PDLIM1: variants seen among roughly 807,000 people sequenced by gnomAD.
The protein encoded by PDLIM1 is PDZ and LIM domain 1, also known as PDZ and LIM domain protein 1.
Under a neutral mutation model 35.2 loss-of-function variants are expected in PDLIM1, and 25 were observed. That is an observed-to-expected ratio of 0.71 (90% CI 0.52 to 0.99). PDLIM1 has a LOEUF of 0.99. PDLIM1 is among the 50% of genes least tolerant of loss of function. The pLI is 0.00. For synonymous variants in PDLIM1, 152 were observed against 154.0 expected, an observed-to-expected ratio of 0.99 and a Z score of 0.10; for missense variants, 363 against 415.3, an observed-to-expected ratio of 0.87 and a Z score of 1.09.
chr10:95,257,034 G>T (rs113904229), intron 4 of PDLIM1, among the ~76,000 whole-genome samples: 13 of 103,958 alleles, frequency 1.3e-4, no homozygotes, highest in Admixed American at 1.0e-3. Context: ...AAGAAAGAAA[G>T]AAAGAATTCA....
rs1205968220 is a variant in PDLIM1 at position 95,253,906 on chromosome 10, A to G, written c.534-6540T>C. On this transcript the variant is annotated intron_variant, in intron 4 of 6. Coordinates refer to ENST00000329399, the MANE Select transcript of PDLIM1 (RefSeq NM_020992.4). Reference sequence around the variant, plus strand: ...GTTTCTATACTTCTTTGAACTCCTGAAATGATGACGCCAGTAAACTGTGAT... The same window carrying G: ...GTTTCTATACTTCTTTGAACTCCTGGAATGATGACGCCAGTAAACTGTGAT... Among the ~76,000 whole-genome samples the G allele has an allele frequency of 2.0e-5, 3 of 152,314 alleles. No homozygotes were observed. The East Asian group carries it at 5.8e-4, about 29-fold the overall frequency.
intron 4 of PDLIM1, among the ~76,000 whole-genome samples, chr10:95,258,825 C>T (rs1025605961): frequency 6.6e-6 from 1 of 150,492 alleles, no homozygotes; most frequent in African/African-American, 2.4e-5. Context: ...TTTTTTAACA[C>T]AATAAAAAAA....
intron 1 of PDLIM1, among the ~76,000 whole-genome samples, chr10:95,281,543 G>A (rs1237951222): frequency 6.6e-6 from 1 of 152,180 alleles, no homozygotes; most frequent in African/African-American, 2.4e-5. Flanking sequence ...CTCCAGCTTG[G>A]GCAATAGAGC....
At chr10:95,244,703 C>A (rs554493660) in intron 5 of PDLIM1, among the ~76,000 whole-genome samples, 1 of 152,038 alleles carries the variant, frequency 6.6e-6, no homozygotes, top group Non-Finnish European at 1.5e-5. Flanking sequence ...AGTTCAAGAC[C>A]ACCCTGGCCA....
At chr10:95,243,874 C>T (rs45608738) in intron 5 of PDLIM1, among the ~76,000 whole-genome samples, 1 of 152,176 alleles carries the variant, frequency 6.6e-6, no homozygotes, top group African/African-American at 2.4e-5. Context: ...TACTGCATGA[C>T]ACCACTTATA....
At chr10:95,247,045 T>TG (rs2035227188) in intron 5 of PDLIM1, among the ~76,000 whole-genome samples, 170 bp downstream of exon 5, 1 of 148,144 alleles carries the variant, frequency 6.8e-6, no homozygotes, top group Non-Finnish European at 1.5e-5. Context: ...AGCACTCTCT[T>TG]CCTCTCTCTC....
At chr10:95,268,921 A>G (rs2035438656) in intron 2 of PDLIM1, 59 bp from the exon 3 acceptor site, 1 of 1,250,630 alleles carries the variant, frequency 8.0e-7, no homozygotes. Context: ...TATATACCAA[A>G]GACAAACTGG....
chr10:95,270,657 ACT>A (rs1164012375), intron 2 of PDLIM1, among the ~76,000 whole-genome samples: 1 of 151,992 alleles, frequency 6.6e-6, no homozygotes, highest in Non-Finnish European at 1.5e-5. Context: ...TACACTCAGT[ACT>A]CTGCTGCTAA....
At chr10:95,257,021 A>AGAAAGAAAGAAAGAAAGAAG (rs2035320627) in intron 4 of PDLIM1, among the ~76,000 whole-genome samples, 1 of 143,706 alleles carries the variant, frequency 7.0e-6, no homozygotes, top group East Asian at 1.9e-4. Context: ...AAAGAAAGAA[A>AGAAAGAAAGAAAGAAAGAAG]GAAAGAAAGA....
At chr10:95,283,559 C>T (rs2035576871) in intron 1 of PDLIM1, among the ~76,000 whole-genome samples, 1 of 152,176 alleles carries the variant, frequency 6.6e-6, no homozygotes, top group Non-Finnish European at 1.5e-5. Flanking sequence ...AGAAATGCTA[C>T]GTGTGCGGAA....
At chr10:95,248,623 A>G (rs2035242682) in intron 4 of PDLIM1, among the ~76,000 whole-genome samples, 1 of 152,268 alleles carries the variant, frequency 6.6e-6, no homozygotes, top group Non-Finnish European at 1.5e-5. Flanking sequence ...TTAGCACAAA[A>G]TATTTAGTTT....
intron 4 of PDLIM1, chr10:95,247,602 T>C (rs2035233694): frequency 2.5e-6 from 1 of 402,464 alleles, no homozygotes; most frequent in Admixed American, 4.4e-5. Context: ...ATAGCTTCAG[T>C]AGCTCAATTA....
At chr10:95,248,521 T>C (rs1273200067) in intron 4 of PDLIM1, among the ~76,000 whole-genome samples, 2 of 152,248 alleles carry the variant, frequency 1.3e-5, no homozygotes, top group Non-Finnish European at 2.9e-5. Flanking sequence ...GCGCTAGGAT[T>C]ATAGGCATGG....
chr10:95,268,468 T>A (rs778464916), intron 3 of PDLIM1, among the ~76,000 whole-genome samples: 2 of 152,208 alleles, frequency 1.3e-5, no homozygotes, highest in Admixed American at 1.3e-4. Context: ...ACGAGCTGAA[T>A]AGCTCCTTGA....
rs1564595840 is a variant in PDLIM1 at position 95,237,765 on chromosome 10, G to A, written c.*160C>T. ...TGTAAAAGCGGGCATCGCACAGCTG[G>A]TGTGAGTCAATTAACCAAGGCAGGG... On this transcript the variant is annotated 3_prime_UTR_variant, in exon 7 of 7. Coordinates refer to ENST00000329399, the MANE Select transcript of PDLIM1 (RefSeq NM_020992.4). The A allele has an allele frequency of 1.6e-6, 1 of 614,326 alleles. No homozygotes were observed. The highest frequency in any genetic ancestry group is 2.8e-5 in the East Asian group (1 of 36,222). The allele number at this position is 614,326 out of a possible 1,614,324, so 38.1% of individuals were successfully genotyped here.
chr10:95,276,275 G>A (rs1036152602), intron 1 of PDLIM1, among the ~76,000 whole-genome samples: 1 of 151,982 alleles, frequency 6.6e-6, no homozygotes, highest in Non-Finnish European at 1.5e-5. Context: ...GCCACAAGCA[G>A]AGGCTCCAAA....
intron 2 of PDLIM1, among the ~76,000 whole-genome samples, chr10:95,269,311 C>A (rs1168435707): frequency 1.3e-5 from 2 of 152,168 alleles, no homozygotes; most frequent in East Asian, 3.8e-4. Context: ...GTGGCTCACG[C>A]CTGTAATCCC....
At chr10:95,243,990 A>G (rs749844730) in intron 5 of PDLIM1, among the ~76,000 whole-genome samples, 41 of 152,182 alleles carry the variant, frequency 2.7e-4, no homozygotes, top group Non-Finnish European at 4.4e-4. Flanking sequence ...GAATAGTTTC[A>G]GTTTTGCAAA....
intron 4 of PDLIM1, among the ~76,000 whole-genome samples, chr10:95,255,324 TAAA>T (rs56689408): frequency 9.7e-6 from 1 of 102,896 alleles, no homozygotes; most frequent in Non-Finnish European, 1.9e-5. Flanking sequence ...CCAAAGATAC[TAAA>T]AAAAAAAAAA....
Sources: allele counts gnomAD v4.1 joint callset (sites outside exome capture counted in the v4.1 genomes callset), GRCh38; gene constraint gnomAD v4.1.1; transcripts MANE v1.5; gene names NCBI Gene and HGNC (gene_info 2026-07-23, HGNC 2026-07-21).